Variants in POU2F1 observed in about 807,000 individuals in gnomAD.
The protein encoded by POU2F1 is POU domain, class 2, transcription factor 1.
POU2F1 carries 16 observed loss-of-function variants against 84.9 expected under a neutral mutation model. The observed-to-expected ratio is 0.19, with a 90% confidence interval of 0.13 to 0.29. The LOEUF (loss-of-function observed/expected upper bound fraction) is 0.29. Among genes scored for constraint, POU2F1 ranks in the 10% least tolerant of loss-of-function variants. POU2F1 has a pLI of 1.00. For synonymous variants in POU2F1, 368 were observed against 368.3 expected (o/e 1.00, Z 0.01); for missense variants, 738 against 942.6 (o/e 0.78, Z 2.84).
At chr1:167,264,162 A>C (rs78863333) in intron 1 of POU2F1, among the ~76,000 whole-genome samples, 1 of 152,288 alleles carries the variant, frequency 6.6e-6, no homozygotes, top group African/African-American at 2.4e-5. Flanking sequence ...GGGCAAAGGG[A>C]GTACAGCTAA....
rs60846607 is a variant in POU2F1, at chr1:167,294,172, C to CAAAAA, written c.62-38275_62-38271dup. Among the ~76,000 whole-genome samples the CAAAAA allele has an allele frequency of 7.0e-3, 218 of 30,952 alleles. 6 individuals are homozygous for CAAAAA. Among genetic ancestry groups the CAAAAA allele is most frequent in the African/African-American group, 0.013 (185 of 14,286 alleles). The allele number at this position is 30,952 out of a possible 152,430, so 20.3% of individuals were successfully genotyped here. A position where few individuals can be genotyped will look rare whatever the true frequency, so the allele number is the denominator to read the frequency against. On this transcript the variant is annotated intron_variant, in intron 1 of 15. Transcript: ENST00000367866. Reference sequence around the variant, plus strand: ...GTGAAACCCCGTCTCTACTAAAATACAAAAAAAAAAAAAAAAAAAAAAAAA... The same window carrying CAAAAA: ...GTGAAACCCCGTCTCTACTAAAATACAAAAAAAAAAAAAAAAAAAAAAAAAAAAAA...
intron 1 of POU2F1, among the ~76,000 whole-genome samples, chr1:167,273,362 C>T (rs576679574): frequency 1.3e-5 from 2 of 152,238 alleles, no homozygotes. Context: ...GGCACTGCCT[C>T]TGTGGCGACT....
chr1:167,271,187 T>C (rs1436342683), intron 1 of POU2F1, among the ~76,000 whole-genome samples: 1 of 152,200 alleles, frequency 6.6e-6, no homozygotes, highest in Non-Finnish European at 1.5e-5. Flanking sequence ...AATACAATAA[T>C]AGTCATTAGA....
chr1:167,302,244 C>T (rs962270260), intron 1 of POU2F1, among the ~76,000 whole-genome samples: 8 of 151,728 alleles, frequency 5.3e-5, no homozygotes, highest in African/African-American at 1.5e-4. Context: ...CCACCACACC[C>T]GGCTAATTTT....
chr1:167,262,187 A>C (rs1042281841), intron 1 of POU2F1, among the ~76,000 whole-genome samples: 2 of 152,070 alleles, frequency 1.3e-5, no homozygotes, highest in African/African-American at 4.8e-5. Flanking sequence ...ATGGGGTCTC[A>C]CTATATTGTC....
chr1:167,237,736 A>ATGTGTG lies in POU2F1; in HGVS notation c.61+16784_61+16789dup, dbSNP rs201151600. Among the ~76,000 whole-genome samples, 252 of 104,456 alleles carry ATGTGTG rather than the reference A, an allele frequency of 2.4e-3. 1 individual carries two copies. Among genetic ancestry groups the ATGTGTG allele is most frequent in the Middle Eastern group, 4.5e-3 (1 of 220 alleles). The allele number at this position is 104,456 out of a possible 152,430, so 68.5% of individuals were successfully genotyped here. On this transcript the variant is annotated intron_variant, in intron 1 of 15. Transcript: ENST00000367866. ...CTGGTTTTATTTTTTAAATCCATAT[A>ATGTGTG]TGTGTGTGTGTATATATATATATAT...
chr1:167,332,398 C>A, intron 1 of POU2F1, 72 bp from the exon 2 acceptor site: 1 of 1,141,634 alleles, frequency 8.8e-7, no homozygotes, highest in Admixed American at 1.8e-5. Flanking sequence ...TTCTCTGCCA[C>A]AGTTTTGCCT....
intron 1 of POU2F1, among the ~76,000 whole-genome samples, chr1:167,236,961 C>T (rs1286597529): frequency 2.0e-5 from 3 of 152,172 alleles, no homozygotes; most frequent in Non-Finnish European, 2.9e-5. Context: ...CTATTTCCTA[C>T]ACAAGGGCTT....
At chr1:167,341,130 C>A (rs1657820720) in intron 2 of POU2F1, among the ~76,000 whole-genome samples, 1 of 152,124 alleles carries the variant, frequency 6.6e-6, no homozygotes, top group African/African-American at 2.4e-5. Context: ...ATTTCTAGAT[C>A]TTTTATCTTT....
At chr1:167,408,894 T>TA (rs1649769209) in intron 13 of POU2F1, among the ~76,000 whole-genome samples, 1 of 152,224 alleles carries the variant, frequency 6.6e-6, no homozygotes, top group African/African-American at 2.4e-5. Flanking sequence ...AAAATCTAAG[T>TA]TGTTTATATT....
intron 1 of POU2F1, chr1:167,329,327 T>G: frequency 3.2e-6 from 5 of 1,546,732 alleles, no homozygotes; most frequent in Middle Eastern, 1.7e-4. Context: ...GCACAGTTCT[T>G]TTCTTAGAAG....
intron 8 of POU2F1, among the ~76,000 whole-genome samples, chr1:167,384,382 A>G (rs1362101199): frequency 6.6e-6 from 1 of 152,096 alleles, no homozygotes; most frequent in Non-Finnish European, 1.5e-5. Context: ...GCTCATTTCT[A>G]CTAGACCATA....
intron 2 of POU2F1, among the ~76,000 whole-genome samples, chr1:167,351,394 T>TATG (rs1658550820): frequency 6.6e-6 from 1 of 151,584 alleles, no homozygotes; most frequent in Non-Finnish European, 1.5e-5. Context: ...GGCACATGCC[T>TATG]GTAATCCCAA....
At chr1:167,373,967 C>T in intron 5 of POU2F1, 141 bp from the exon 6 acceptor site, 2 of 720,892 alleles carry the variant, frequency 2.8e-6, no homozygotes, top group East Asian at 2.7e-5. Flanking sequence ...CACTGATGAA[C>T]ATTTTAGCTG....
At chr1:167,386,117 G>A (rs993967864) in intron 8 of POU2F1, among the ~76,000 whole-genome samples, 3 of 152,064 alleles carry the variant, frequency 2.0e-5, no homozygotes, top group Non-Finnish European at 4.4e-5. Flanking sequence ...AAGGTAAAGC[G>A]ACTAGAGTTC....
chr1:167,300,536 C>T (rs1654613415), intron 1 of POU2F1, among the ~76,000 whole-genome samples: 1 of 152,182 alleles, frequency 6.6e-6, no homozygotes, highest in Admixed American at 6.5e-5. Context: ...GCGATCTCAG[C>T]TTACTGCAAC....
At chr1:167,374,399 C>G (rs1660194283) in intron 6 of POU2F1, 103 bp downstream of exon 6, 2 of 1,121,026 alleles carry the variant, frequency 1.8e-6, no homozygotes, top group South Asian at 3.3e-5. Flanking sequence ...GGGGCCTTAA[C>G]TGCCTGAGGA....
intron 1 of POU2F1, among the ~76,000 whole-genome samples, chr1:167,323,462 C>T (rs1002390487): frequency 6.6e-6 from 1 of 152,152 alleles, no homozygotes; most frequent in Non-Finnish European, 1.5e-5. Context: ...CATGTCATTT[C>T]AAACCGCTTT....
At position 167,312,988 on chromosome 1, in the gene POU2F1, GT is replaced by G. The variant is rs777389099; in HGVS notation, c.62-19481del. Among the ~76,000 whole-genome samples, 51 of 152,216 alleles carry G rather than the reference GT, an allele frequency of 3.4e-4. 1 individual carries two copies. The highest frequency in any genetic ancestry group is 2.8e-4 in the Non-Finnish European group (19 of 68,042). On this transcript the variant is annotated intron_variant, in intron 1 of 15. Transcript: ENST00000367866. ...ATAGGCTATGCCATATAGCCTAGGTGTATAGTAGCCTGTACCATCTAGTTTT... is the reference window on the plus strand; with the variant it reads ...ATAGGCTATGCCATATAGCCTAGGTGATAGTAGCCTGTACCATCTAGTTTT...
Sources: allele counts gnomAD v4.1 joint callset (sites outside exome capture counted in the v4.1 genomes callset), GRCh38; gene constraint gnomAD v4.1.1; transcripts MANE v1.5; gene names NCBI Gene and HGNC (gene_info 2026-07-23, HGNC 2026-07-21).